The following PCSK5 variants were observed in gnomAD, a reference collection of about 807,000 sequenced individuals.
The protein encoded by PCSK5 is prohormone convertase 5.
Under a neutral mutation model 233.2 loss-of-function variants are expected in PCSK5, and 129 were observed. The observed-to-expected ratio is 0.55, with a 90% CI of 0.48 to 0.64. PCSK5 has a LOEUF of 0.64. Among genes scored for constraint, PCSK5 ranks in the 30% least tolerant of loss-of-function variants. The probability of loss-of-function intolerance (pLI) is 0.00; values close to 1 mark genes in which losing one functional copy is unlikely to be tolerated. For synonymous variants in PCSK5, 825 were observed against 879.2 expected (o/e 0.94, Z 1.09); for missense variants, 2,076 against 2,430.1 (o/e 0.85, Z 3.06).
At chr9:76,076,758 C>G (rs531330190) in intron 7 of PCSK5, among the ~76,000 whole-genome samples, 1 of 152,168 alleles carries the variant, frequency 6.6e-6, no homozygotes, top group Non-Finnish European at 1.5e-5. Context: ...ATTTATAGCC[C>G]TTTTAGAATT....
At chr9:76,278,928 ATACTTT>A (rs1172030699) in intron 24 of PCSK5, among the ~76,000 whole-genome samples, 1 of 151,948 alleles carries the variant, frequency 6.6e-6, no homozygotes, top group Non-Finnish European at 1.5e-5. Flanking sequence ...TTTTTTTATT[ATACTTT>A]AAGTTTTAGG....
intron 20 of PCSK5, among the ~76,000 whole-genome samples, chr9:76,206,376 G>A (rs1167827622): frequency 6.6e-6 from 1 of 152,194 alleles, no homozygotes; most frequent in Non-Finnish European, 1.5e-5. Flanking sequence ...ATTAACAGCA[G>A]CAATGCTGAG....
chr9:76,302,016 A>T, intron 27 of PCSK5, 121 bp from the exon 28 acceptor site: 2 of 396,332 alleles, frequency 5.0e-6, no homozygotes, highest in South Asian at 2.0e-5. Flanking sequence ...AAGATGAGAC[A>T]TCCATGTACC....
chr9:75,893,814 C>T (rs993870096), intron 1 of PCSK5, among the ~76,000 whole-genome samples: 4 of 152,178 alleles, frequency 2.6e-5, no homozygotes, highest in Admixed American at 1.3e-4. Flanking sequence ...TTACAGAGGA[C>T]CCCTTGAACC....
At chr9:76,110,683 G>A (rs1301501440) in intron 9 of PCSK5, among the ~76,000 whole-genome samples, 2 of 152,116 alleles carry the variant, frequency 1.3e-5, no homozygotes, top group African/African-American at 4.8e-5. Flanking sequence ...GCAACAGAAT[G>A]AGACCTTATC....
At chr9:76,323,547 G>C (rs927790785) in intron 32 of PCSK5, among the ~76,000 whole-genome samples, 1 of 151,958 alleles carries the variant, frequency 6.6e-6, no homozygotes, top group Non-Finnish European at 1.5e-5. Flanking sequence ...TCAGAATGTT[G>C]CCTAGGCTGG....
intron 1 of PCSK5, among the ~76,000 whole-genome samples, chr9:75,897,511 C>G (rs1220789740): frequency 7.7e-6 from 1 of 130,102 alleles, no homozygotes; most frequent in African/African-American, 2.9e-5. Flanking sequence ...TTTTTTTTCC[C>G]GAAACGGAGT....
At chr9:76,064,034 G>A (rs1412027362) in intron 5 of PCSK5, among the ~76,000 whole-genome samples, 12 of 96,776 alleles carry the variant, frequency 1.2e-4, no homozygotes, top group African/African-American at 6.1e-4. Context: ...CCTCCCGGAC[G>A]GGGCAGCTGG....
Position 76,358,949 on chromosome 9 carries a change from A to G in PCSK5, c.*27A>G. On this transcript the variant is annotated 3_prime_UTR_variant, in exon 38 of 38. Coordinates refer to ENST00000674117, the MANE Select transcript of PCSK5 (RefSeq NM_001372043.1). ...CAGGCACTCCCCCACCAACACCACC[A>G]TTCCACTCTCAGGCATGCCTGTGAG... 2 of 1,597,248 alleles carry G rather than the reference A, an allele frequency of 1.3e-6. No homozygotes were observed. Among genetic ancestry groups the G allele is most frequent in the Non-Finnish European group, 1.7e-6 (2 of 1,168,638 alleles).
At chr9:76,172,371 G>T (rs577372162) in intron 13 of PCSK5, among the ~76,000 whole-genome samples, 8 of 151,966 alleles carry the variant, frequency 5.3e-5, no homozygotes, top group African/African-American at 1.9e-4. Flanking sequence ...AAGGGGTAGA[G>T]GAGAAAAAAA....
intron 1 of PCSK5, among the ~76,000 whole-genome samples, chr9:75,928,426 C>G (rs956516899): frequency 2.6e-5 from 4 of 151,458 alleles, no homozygotes; most frequent in African/African-American, 9.7e-5. Flanking sequence ...TCATACACTG[C>G]CTTTCTTTTG....
At position 76,095,878 on chromosome 9, in the gene PCSK5, G is replaced by A; in HGVS notation, c.895-12G>A. 6.2e-7 allele frequency: 1 copy of A among 1,613,054 alleles called. No homozygotes were observed. The highest frequency in any genetic ancestry group is 8.5e-7 in the Non-Finnish European group (1 of 1,179,068). On this transcript the variant is annotated splice_polypyrimidine_tract_variant and intron_variant, in intron 7 of 37. Transcript: ENST00000674117. ...TTCACACCATCATTTAGCTTTCTCT[G>A]TTTGTGAACAGGGGCGGAGAGGCCT...
intron 9 of PCSK5, among the ~76,000 whole-genome samples, chr9:76,129,317 G>A (rs144725899): frequency 6.6e-6 from 1 of 152,208 alleles, no homozygotes; most frequent in Non-Finnish European, 1.5e-5. Flanking sequence ...GGTTTTGAAC[G>A]TTTAGGAAGT....
chr9:75,920,882 A>G (rs906918738), intron 1 of PCSK5, among the ~76,000 whole-genome samples: 4 of 152,194 alleles, frequency 2.6e-5, no homozygotes, highest in South Asian at 4.1e-4. Flanking sequence ...GTTTACCAGT[A>G]TGAAAAAATA....
chr9:75,994,131 G>C (rs551473783), intron 3 of PCSK5, among the ~76,000 whole-genome samples: 1 of 151,988 alleles, frequency 6.6e-6, no homozygotes, highest in Non-Finnish European at 1.5e-5. Flanking sequence ...GCACTTTTCC[G>C]AACCAAATTC....
At chr9:76,138,251 C>T (rs1247381155) in intron 10 of PCSK5, among the ~76,000 whole-genome samples, 1 of 151,964 alleles carries the variant, frequency 6.6e-6, no homozygotes, top group Admixed American at 6.6e-5. Context: ...TAGTCAAGCC[C>T]CGACAATCTG....
In PCSK5 at chr9:75,986,164, G is replaced by A. The variant is rs2131393160; in HGVS notation, c.330G>A (p.Lys110=). The change falls in exon 3 of 38, where the codon AAG becomes AAA. Residue 110 remains lysine, a synonymous_variant. Transcript: ENST00000674117. ...GGATCCAACAGCAAGTGGTAAAAAAGCGGACAAAGAGGGATTATGACTTCA... is the reference window on the plus strand; with the variant it reads ...GGATCCAACAGCAAGTGGTAAAAAAACGGACAAAGAGGGATTATGACTTCA... ...VEWIQQQVVK[K]RTKRDYDFSR... 6.2e-7 allele frequency: 1 copy of A among 1,613,524 alleles called. No individual in the cohort carries two copies. Among genetic ancestry groups the A allele is most frequent in the South Asian group, 1.1e-5 (1 of 91,072 alleles).
At chr9:76,014,962 AAG>A (rs1309384068) in intron 3 of PCSK5, among the ~76,000 whole-genome samples, 1 of 152,152 alleles carries the variant, frequency 6.6e-6, no homozygotes, top group Non-Finnish European at 1.5e-5. Context: ...AAGAGAGAGA[AAG>A]AGAGGGAGAG....
chr9:76,117,302 C>G (rs1832465691), intron 9 of PCSK5, among the ~76,000 whole-genome samples: 1 of 151,880 alleles, frequency 6.6e-6, no homozygotes, highest in Admixed American at 6.6e-5. Flanking sequence ...ACATTTCAGT[C>G]AAGGGAGGCA....
Sources: gnomAD v4.1 joint callset for allele counts (sites outside exome capture counted in the v4.1 genomes callset) on GRCh38, gnomAD v4.1.1 for gene constraint, MANE v1.5 for transcripts, NCBI Gene and HGNC (gene_info 2026-07-23, HGNC 2026-07-21) for gene names.